Variants in TRIOBP observed in about 807,000 individuals in gnomAD.
TRIOBP encodes the protein TRIO and F-actin binding protein.
TRIOBP carries 169 observed loss-of-function variants against 238.8 expected under a neutral mutation model. The ratio of observed to expected loss-of-function variants is 0.71; its 90% CI spans 0.62 to 0.80. TRIOBP has a LOEUF of 0.80. TRIOBP is among the 30% of genes least tolerant of loss of function. The pLI, the probability that TRIOBP is intolerant of heterozygous loss-of-function variation, is 0.00. For synonymous variants in TRIOBP, 1,150 were observed against 1,274.4 expected (o/e 0.90, Z 2.08); for missense variants, 2,838 against 3,122.6 (o/e 0.91, Z 2.17).
chr22:37,768,548 C>T (rs887770191), intron 19 of TRIOBP, among the ~76,000 whole-genome samples: 1 of 152,168 alleles, frequency 6.6e-6, no homozygotes, highest in Non-Finnish European at 1.5e-5. Context: ...CAGCCGGGCA[C>T]ATTGGCTCAT....
At chr22:37,716,755 A>C (rs910094890) in intron 6 of TRIOBP, among the ~76,000 whole-genome samples, 2 of 152,208 alleles carry the variant, frequency 1.3e-5, no homozygotes, top group African/African-American at 2.4e-5. Flanking sequence ...TTTGAGGAGG[A>C]AAGTCATGTA....
chr22:37,745,299 A>G (rs1925165148), intron 11 of TRIOBP, among the ~76,000 whole-genome samples: 1 of 152,166 alleles, frequency 6.6e-6, no homozygotes, highest in Non-Finnish European at 1.5e-5. Flanking sequence ...TACTTGAATT[A>G]ACACTTAATC....
At chr22:37,761,058 T>C (rs1359076571) in intron 17 of TRIOBP, among the ~76,000 whole-genome samples, 1 of 148,036 alleles carries the variant, frequency 6.8e-6, no homozygotes, top group Non-Finnish European at 1.5e-5. Flanking sequence ...CAAGGGGAGG[T>C]CACGTCATGA....
intron 11 of TRIOBP, among the ~76,000 whole-genome samples, chr22:37,750,082 G>A (rs1489749817): frequency 6.6e-6 from 1 of 152,200 alleles, no homozygotes; most frequent in Non-Finnish European, 1.5e-5. Context: ...GTACAGACAC[G>A]TTCAGTCCTG....
At position 37,759,316 on chromosome 22, in the gene TRIOBP, G is replaced by C. The variant is rs759047263; in HGVS notation, c.6324+52G>C. ...GGGAGGGGGCAGATTTCTGCTTGCC[G>C]TGTTATCAGGAAACAGCTGAGATTT... On this transcript the variant is annotated intron_variant, in intron 17 of 23. Transcript: ENST00000644935. 3.2e-6 allele frequency: 5 copies of C among 1,552,398 alleles called. No individual in the cohort carries two copies. The East Asian group carries it at 1.1e-4, about 35-fold the overall frequency.
At chr22:37,772,417 C>T (rs1926828694) in intron 22 of TRIOBP, among the ~76,000 whole-genome samples, 184 bp from the exon 23 acceptor site, 1 of 152,158 alleles carries the variant, frequency 6.6e-6, no homozygotes, top group Admixed American at 6.5e-5. Flanking sequence ...ACGCCTGTGT[C>T]CCTGGGTGGT....
At position 37,725,843 on chromosome 22, in the gene TRIOBP, A is replaced by G. The variant is rs549764410; in HGVS notation, c.3287A>G (p.His1096Arg). The change falls in exon 7 of 24, where the codon CAT becomes CGT. Residue 1096 changes from histidine (H) to arginine (R), a missense_variant. By Grantham distance (29) the His-to-Arg change is conservative. Around this residue, in one of 5 missense-constraint regions of TRIOBP, gnomAD observed 2,096 missense variants for 2,137.4 expected, o/e 0.98. Transcript: ENST00000644935. ...CTCCCAGACACATCAGATGCCGAGCATCAGTGTCAGTCCCCCCAACACGAG... is the reference window on the plus strand; with the variant it reads ...CTCCCAGACACATCAGATGCCGAGCGTCAGTGTCAGTCCCCCCAACACGAG... The part of the protein sequence containing the change: ...PFLPDTSDAE[H>R]QCQSPQHEPL... 25 of 1,578,460 alleles carry G rather than the reference A, an allele frequency of 1.6e-5. No individual in the cohort carries two copies. The highest frequency in any genetic ancestry group is 1.0e-4 in the African/African-American group (7 of 69,066).
At chr22:37,704,033 G>A (rs4264658) in intron 3 of TRIOBP, among the ~76,000 whole-genome samples, 109,365 of 151,922 alleles carry the variant, frequency 0.72, 39,945 homozygotes, top group East Asian at 0.83. Flanking sequence ...AAATTCATAC[G>A]TACTGAATAG....
intron 6 of TRIOBP, among the ~76,000 whole-genome samples, chr22:37,716,848 C>T (rs780100185): frequency 4.6e-5 from 7 of 152,196 alleles, no homozygotes; most frequent in Non-Finnish European, 7.4e-5. Context: ...GGATGAGAAA[C>T]CAGTTAAGAG....
chr22:37,749,431 G>A (rs760710264), intron 11 of TRIOBP, among the ~76,000 whole-genome samples: 1 of 152,026 alleles, frequency 6.6e-6, no homozygotes, highest in Admixed American at 6.6e-5. Flanking sequence ...AGTGAGTCCC[G>A]CCAGCCCGAG....
intron 6 of TRIOBP, 107 bp downstream of exon 6, chr22:37,716,041 G>C: frequency 8.2e-7 from 1 of 1,218,346 alleles, no homozygotes; most frequent in Non-Finnish European, 1.2e-6. Context: ...TTGGTGGCCT[G>C]AGTGTTAATA....
At chr22:37,697,309 G>A (rs1315223555) in intron 1 of TRIOBP, among the ~76,000 whole-genome samples, 5 of 152,160 alleles carry the variant, frequency 3.3e-5, no homozygotes, top group Non-Finnish European at 5.9e-5. Context: ...TGTGGGTAGG[G>A]GAGGAAACGG....
intron 9 of TRIOBP, among the ~76,000 whole-genome samples, chr22:37,735,770 G>A (rs1342903540): frequency 2.0e-5 from 3 of 152,220 alleles, no homozygotes; most frequent in Non-Finnish European, 4.4e-5. Flanking sequence ...CCACTTGCTG[G>A]TGGGGCATGG....
chr22:37,733,897 C>A (rs200001528), intron 8 of TRIOBP, among the ~76,000 whole-genome samples: 1 of 152,140 alleles, frequency 6.6e-6, no homozygotes, highest in South Asian at 2.1e-4. Flanking sequence ...TCACTCCTGA[C>A]GTCAAGTGAT....
At chr22:37,771,611 G>T (rs1337123049) in intron 21 of TRIOBP, 39 bp from the exon 22 acceptor site, 1 of 1,589,100 alleles carries the variant, frequency 6.3e-7, no homozygotes, top group Non-Finnish European at 8.6e-7. Flanking sequence ...GGTAGCTCTG[G>T]CTTCTGGCCC....
At chr22:37,729,887 A>C (rs1442327129) in intron 7 of TRIOBP, among the ~76,000 whole-genome samples, 2 of 152,182 alleles carry the variant, frequency 1.3e-5, no homozygotes, top group Non-Finnish European at 2.9e-5. Context: ...GACAGACTGG[A>C]GCTTATGAGC....
chr22:37,710,191 C>G (rs918567403), intron 3 of TRIOBP, among the ~76,000 whole-genome samples: 4 of 152,282 alleles, frequency 2.6e-5, no homozygotes, highest in African/African-American at 7.2e-5. Flanking sequence ...CACACACATA[C>G]CTGCTCCAAG....
chr22:37,724,904 C>T lies in TRIOBP; in HGVS notation c.2348C>T (p.Pro783Leu), dbSNP rs763229296. ...CAGGACAATCCCAGGACCTCCTCTC[C>T]CAATAGAGCCACACGAGACAACCCC... ...TRQDNPRTSS[P>L]NRATRDNPRT... The change falls in exon 7 of 24, where the codon CCC becomes CTC. Residue 783 changes from proline to leucine, a missense_variant. Physicochemically the swap from Pro to Leu is moderately conservative, Grantham distance 98. This residue lies in a region of TRIOBP where 2,096 missense variants were observed against 2,137.4 expected (regional missense o/e 0.98). Coordinates refer to ENST00000644935, the MANE Select transcript of TRIOBP (RefSeq NM_001039141.3). 2 of 1,604,472 alleles carry T rather than the reference C, an allele frequency of 1.2e-6. No individual in the cohort carries two copies. Among genetic ancestry groups the T allele is most frequent in the Non-Finnish European group, 1.7e-6 (2 of 1,177,180 alleles).
chr22:37,739,386 G>A (rs943609680), intron 10 of TRIOBP, among the ~76,000 whole-genome samples: 13 of 152,152 alleles, frequency 8.5e-5, no homozygotes, highest in Non-Finnish European at 1.6e-4. Context: ...TCTTCCTCCC[G>A]TTGCCTCCTG....
Sources: allele counts gnomAD v4.1 joint callset (sites outside exome capture counted in the v4.1 genomes callset), GRCh38; gene constraint gnomAD v4.1.1; regional missense constraint gnomAD v4.1.1; transcripts MANE v1.5; gene names NCBI Gene and HGNC (gene_info 2026-07-23, HGNC 2026-07-21).